DCAF6: variants seen among roughly 807,000 people sequenced by gnomAD.
The protein encoded by DCAF6 is DDB1 and CUL4 associated factor 6.
A neutral mutation model predicts 125.1 loss-of-function variants in DCAF6; 54 were observed. The ratio of observed to expected loss-of-function variants is 0.43; its 90% CI spans 0.35 to 0.54. The LOEUF (loss-of-function observed/expected upper bound fraction) is 0.54, where lower values mean the gene tolerates loss of function less well. Among genes scored for constraint, DCAF6 ranks in the 20% least tolerant of loss-of-function variants. The probability of loss-of-function intolerance (pLI) is 0.01; values close to 1 mark genes in which losing one functional copy is unlikely to be tolerated. For missense variants in DCAF6, 934 were observed against 1,161.7 expected, an observed-to-expected ratio of 0.80 and a Z score of 2.85; for synonymous variants, 371 against 390.4, an observed-to-expected ratio of 0.95 and a Z score of 0.58.
intron 11 of DCAF6, among the ~76,000 whole-genome samples, chr1:168,021,040 C>G (rs1020471395): frequency 5.3e-5 from 8 of 152,094 alleles, no homozygotes; most frequent in Admixed American, 5.2e-4. Context: ...TCTGTCTTAA[C>G]ATAGCTTTAA....
chr1:167,897,332 CA>C, the DCAF6 span, among the ~76,000 whole-genome samples: 3,500 of 118,362 alleles, frequency 0.03, 120 homozygotes, highest in African/African-American at 0.092. Flanking sequence ...ACCAAAAATA[CA>C]AAAAAAAAAA....
In DCAF6 at chr1:167,993,229, A is replaced by G. The variant is rs1681125789; in HGVS notation, c.692A>G (p.Asn231Ser). The stretch of plus-strand genomic sequence containing the variant: ...TAACTTCTTGTTTCTTTTTTAGGGA[A>G]TTATGCAGGTCGAGGGACTACTGGA... ...RRMLGTRATG[N>S]YAGRGTTGMV... The change falls in exon 7 of 22, where the codon AAT becomes AGT. Residue 231 changes from asparagine (N) to serine (S), a missense_variant. Asn to Ser is a conservative substitution (Grantham distance 46). Coordinates refer to ENST00000367840, the MANE Select transcript of DCAF6 (RefSeq NM_001198956.2). 1 of 1,610,750 alleles carries G rather than the reference A, an allele frequency of 6.2e-7. No homozygotes were observed. The highest frequency in any genetic ancestry group is 8.5e-7 in the Non-Finnish European group (1 of 1,178,900).
At position 167,991,260 on chromosome 1, in the gene DCAF6, A is replaced by T. The variant is rs772934981; in HGVS notation, c.609A>T (p.Ile203=). Residue 203 remains isoleucine, a synonymous_variant, in exon 6 of 22, where the codon ATA becomes ATT. Transcript: ENST00000367840. ...AATSVAICPP[I]PYYLAVGCSD... ...CGTCTGTTGCTATTTGCCCACCAAT[A>T]CCATATTACCTTGCTGTTGGTTGTT... 2 of 1,613,380 alleles carry T rather than the reference A, an allele frequency of 1.2e-6. No individual in the cohort carries two copies. The highest frequency in any genetic ancestry group is 1.7e-6 in the Non-Finnish European group (2 of 1,179,864).
At chr1:167,935,629 GC>G, upstream of DCAF6, 1 of 872,428 alleles carries the variant, frequency 1.1e-6, no homozygotes, top group Non-Finnish European at 1.9e-6. Flanking sequence ...AGGGATTGGG[GC>G]TGTGGATGCC....
At chr1:168,073,982 A>C (rs1317204070) in intron 21 of DCAF6, among the ~76,000 whole-genome samples, 1 of 148,238 alleles carries the variant, frequency 6.7e-6, no homozygotes, top group Non-Finnish European at 1.5e-5. Flanking sequence ...CATATTTATA[A>C]AATAAATGAA....
chr1:168,068,540 G>A, intron 21 of DCAF6, 77 bp downstream of exon 21: 2 of 722,150 alleles, frequency 2.8e-6, no homozygotes, highest in Non-Finnish European at 3.9e-6. Context: ...GCTTTAAAGG[G>A]GTTTATATAT....
chr1:167,903,836 A>T, the DCAF6 span: 11 of 1,372,100 alleles, frequency 8.0e-6, no homozygotes, highest in African/African-American at 1.6e-4. Context: ...AACTACGGAA[A>T]AAACAATGAA....
At chr1:167,887,400 A>G in the DCAF6 span, among the ~76,000 whole-genome samples, 1 of 152,242 alleles carries the variant, frequency 6.6e-6, no homozygotes, top group Non-Finnish European at 1.5e-5. Flanking sequence ...TTGTAGGGAC[A>G]TGGATGAAGT....
intron 8 of DCAF6, 88 bp downstream of exon 8, chr1:168,002,663 T>C: frequency 1.9e-6 from 2 of 1,026,066 alleles, no homozygotes; most frequent in South Asian, 3.0e-5. Flanking sequence ...TATAAATTAT[T>C]CTGTAATGAA....
intron 1 of DCAF6, among the ~76,000 whole-genome samples, chr1:167,937,700 T>G (rs1671529796): frequency 6.6e-6 from 1 of 152,178 alleles, no homozygotes; most frequent in African/African-American, 2.4e-5. Context: ...AAAACAACCT[T>G]CAGTACTTGG....
chr1:167,948,339 T>C (rs1458863139), intron 1 of DCAF6, among the ~76,000 whole-genome samples: 4 of 152,120 alleles, frequency 2.6e-5, no homozygotes, highest in Non-Finnish European at 5.9e-5. Flanking sequence ...GTGCCAAGGA[T>C]GAAATAATTT....
At chr1:168,059,243 G>A (rs937079865) in intron 17 of DCAF6, among the ~76,000 whole-genome samples, 22 of 152,244 alleles carry the variant, frequency 1.4e-4, no homozygotes, top group African/African-American at 5.1e-4. Flanking sequence ...CATTTAGATA[G>A]CCAGTTTTTC....
In DCAF6 at chr1:168,075,445, T is replaced by C. The variant is rs373872789; in HGVS notation, c.*10T>C. 5.0e-6 allele frequency: 8 copies of C among 1,589,498 alleles called. No homozygotes were observed. In the African/African-American group the frequency reaches 9.5e-5, roughly 19 times the overall value. On this transcript the variant is annotated 3_prime_UTR_variant, in exon 22 of 22. Coordinates refer to ENST00000367840, the MANE Select transcript of DCAF6 (RefSeq NM_001198956.2). The stretch of plus-strand genomic sequence containing the variant: ...TGAGGATGAGGAATAATAAACTCTT[T>C]TTGGCAAGCACTTAAATGTTCTGAA...
the DCAF6 span, chr1:167,905,019 C>T: frequency 3.7e-6 from 6 of 1,614,164 alleles, no homozygotes; most frequent in Non-Finnish European, 5.1e-6. Context: ...CATCAGGACT[C>T]CGTCAAAATA....
chr1:167,883,945 T>TA, the DCAF6 span, among the ~76,000 whole-genome samples: 1 of 152,188 alleles, frequency 6.6e-6, no homozygotes, highest in Non-Finnish European at 1.5e-5. Flanking sequence ...CTCCTATTTT[T>TA]AAAAAAATTT....
the DCAF6 span, among the ~76,000 whole-genome samples, chr1:167,872,093 G>A: frequency 1.8e-4 from 28 of 152,156 alleles, no homozygotes; most frequent in Non-Finnish European, 3.2e-4. Context: ...TGTAATCCCA[G>A]CACTTTGGGA....
chr1:167,969,309 G>GT (rs1004038314), intron 3 of DCAF6: 6 of 152,126 alleles, frequency 3.9e-5, no homozygotes, highest in African/African-American at 1.4e-4. Flanking sequence ...CAGCCAAGTA[G>GT]TTTAAGAAAC....
At chr1:167,922,492 T>C in the DCAF6 span, among the ~76,000 whole-genome samples, 3 of 152,104 alleles carry the variant, frequency 2.0e-5, no homozygotes, top group South Asian at 6.2e-4. Context: ...AAAGATATAT[T>C]ATTACTATGT....
intron 2 of DCAF6, among the ~76,000 whole-genome samples, chr1:167,952,310 C>T (rs12239051): frequency 0.019 from 2,836 of 152,202 alleles, 78 homozygotes; most frequent in African/African-American, 0.065. Flanking sequence ...CTCCGCCTCC[C>T]GGGTTCACGT....
Sources: gnomAD v4.1 joint callset for allele counts (sites outside exome capture counted in the v4.1 genomes callset) on GRCh38, gnomAD v4.1.1 for gene constraint, MANE v1.5 for transcripts, NCBI Gene and HGNC (gene_info 2026-07-23, HGNC 2026-07-21) for gene names.